The following LRP1B variants were observed in gnomAD, a reference collection of about 807,000 sequenced individuals.
LRP1B encodes LDL receptor related protein 1B, also known as low-density lipoprotein receptor-related protein 1B.
A neutral mutation model predicts 556.6 loss-of-function variants in LRP1B; 217 were observed. The ratio of observed to expected loss-of-function variants is 0.39; its 90% confidence interval spans 0.35 to 0.44. The LOEUF (loss-of-function observed/expected upper bound fraction) is 0.44, where lower values mean the gene tolerates loss of function less well. Ranked by LOEUF, LRP1B falls within the 20% of genes least tolerant of loss-of-function variation. The probability of loss-of-function intolerance (pLI) is 1.00; values close to 1 mark genes in which losing one functional copy is unlikely to be tolerated. For missense variants in LRP1B, 5,053 were observed against 5,620.8 expected, an observed-to-expected ratio of 0.90 and a Z score of 3.23; for synonymous variants, 2,047 against 1,865.8, an observed-to-expected ratio of 1.10 and a Z score of -2.50.
intron 67 of LRP1B, among the ~76,000 whole-genome samples, chr2:140,381,770 G>A (rs1683500711): frequency 6.7e-6 from 1 of 149,134 alleles, no homozygotes; most frequent in Admixed American, 6.9e-5. Flanking sequence ...GCTGAGGCAG[G>A]AGAATCACTT....
intron 1 of LRP1B, among the ~76,000 whole-genome samples, chr2:141,990,529 T>A (rs980628776): frequency 6.6e-6 from 1 of 152,140 alleles, no homozygotes; most frequent in African/African-American, 2.4e-5. Context: ...TTACAACATA[T>A]AAAGAAAGCA....
intron 37 of LRP1B, among the ~76,000 whole-genome samples, chr2:140,707,314 C>A (rs1686874641): frequency 6.6e-6 from 1 of 152,044 alleles, no homozygotes; most frequent in Admixed American, 6.6e-5. Context: ...CGGCAGTTGG[C>A]CTTGGTCAAG....
chr2:140,429,954 C>T (rs1685847104), intron 66 of LRP1B, among the ~76,000 whole-genome samples: 1 of 152,156 alleles, frequency 6.6e-6, no homozygotes, highest in African/African-American at 2.4e-5. Flanking sequence ...TGTTGAGTCT[C>T]CCACAATTAC....
intron 3 of LRP1B, among the ~76,000 whole-genome samples, chr2:141,443,441 C>A (rs138843107): frequency 0.021 from 3,182 of 152,192 alleles, 68 homozygotes; most frequent in East Asian, 0.091. Flanking sequence ...TGAATTAGAT[C>A]TGATTTGTCA....
At chr2:140,257,047 G>C (rs1681725979) in intron 86 of LRP1B, among the ~76,000 whole-genome samples, 1 of 151,882 alleles carries the variant, frequency 6.6e-6, no homozygotes, top group Non-Finnish European at 1.5e-5. Context: ...CTAATATGAT[G>C]ATAATATCAG....
At chr2:140,776,724 G>A (rs1689513808) in intron 32 of LRP1B, among the ~76,000 whole-genome samples, 1 of 151,938 alleles carries the variant, frequency 6.6e-6, no homozygotes, top group Admixed American at 6.6e-5. Context: ...TTTTGATCAT[G>A]TGTGCTCTCC....
At chr2:140,976,335 A>G (rs75400860) in intron 18 of LRP1B, among the ~76,000 whole-genome samples, 4,742 of 151,660 alleles carry the variant, frequency 0.031, 186 homozygotes, top group African/African-American at 0.093. Context: ...ATTTTGTAAG[A>G]TAACAAGATT....
intron 1 of LRP1B, among the ~76,000 whole-genome samples, chr2:142,104,747 TG>T (rs1706688269): frequency 1.3e-5 from 2 of 152,122 alleles, no homozygotes; most frequent in Admixed American, 1.3e-4. Context: ...ACATATTTTC[TG>T]AAACATTTTC....
chr2:140,687,533 T>A (rs1686091302), intron 41 of LRP1B, among the ~76,000 whole-genome samples: 1 of 151,966 alleles, frequency 6.6e-6, no homozygotes, highest in Non-Finnish European at 1.5e-5. Flanking sequence ...AAGAAAAAAA[T>A]CTGTAAATGG....
At chr2:140,523,803 T>A (rs1400433492) in intron 49 of LRP1B, among the ~76,000 whole-genome samples, 2 of 151,834 alleles carry the variant, frequency 1.3e-5, no homozygotes, top group Non-Finnish European at 2.9e-5. Flanking sequence ...CTACCTCTTA[T>A]CATATTCAAA....
chr2:141,049,052 T>C lies in LRP1B; in HGVS notation c.1723A>G (p.Thr575Ala). 1 of 1,613,598 alleles carries C rather than the reference T, an allele frequency of 6.2e-7. No homozygotes were observed. Among genetic ancestry groups the C allele is most frequent in the Non-Finnish European group, 8.5e-7 (1 of 1,179,694 alleles). ...TGCCGGCCAATTAGGAAACTGGTGG[T>C]GTCAGCAAAGTAGATGTAATTGGTT... ...AETNYIYFAD[T>A]TSFLIGRQKI... The change falls in exon 11 of 91, where the codon ACC becomes GCC. Residue 575 changes from threonine to alanine, a missense_variant. Physicochemically the swap from Thr to Ala is moderately conservative, Grantham distance 58. Around this residue, in one of 5 missense-constraint regions of LRP1B, gnomAD observed 3,619 missense variants for 3,931.9 expected, o/e 0.92. Transcript: ENST00000389484.
chr2:141,769,552 C>T (rs1022419773), intron 2 of LRP1B, among the ~76,000 whole-genome samples: 9 of 152,114 alleles, frequency 5.9e-5, no homozygotes, highest in African/African-American at 4.8e-5. Context: ...GCACATTACA[C>T]GGGACATCAG....
chr2:140,474,277 G>T (rs993725736), intron 60 of LRP1B, among the ~76,000 whole-genome samples: 6 of 151,822 alleles, frequency 4.0e-5, no homozygotes, highest in Non-Finnish European at 8.8e-5. Context: ...CACTGGCAGA[G>T]TATTACTCGA....
At chr2:141,483,036 A>T (rs1682981431) in intron 2 of LRP1B, among the ~76,000 whole-genome samples, 1 of 151,864 alleles carries the variant, frequency 6.6e-6, no homozygotes, top group African/African-American at 2.4e-5. Context: ...ATATGTATAC[A>T]TGTGTCATGT....
intron 83 of LRP1B, among the ~76,000 whole-genome samples, chr2:140,305,427 G>T (rs1306293846): frequency 6.6e-6 from 1 of 152,088 alleles, no homozygotes; most frequent in Non-Finnish European, 1.5e-5. Context: ...AATTGTGAAT[G>T]GGAGTTCACT....
chr2:141,691,769 G>T (rs760821421), intron 2 of LRP1B, among the ~76,000 whole-genome samples: 7 of 151,682 alleles, frequency 4.6e-5, no homozygotes, highest in Non-Finnish European at 5.9e-5. Context: ...CAATTCATAT[G>T]GCTTCTATTT....
At chr2:142,100,335 G>A (rs937161121) in intron 1 of LRP1B, among the ~76,000 whole-genome samples, 3 of 151,876 alleles carry the variant, frequency 2.0e-5, no homozygotes, top group South Asian at 4.1e-4. Flanking sequence ...ATCCATTAGC[G>A]TTGACACCAC....
chr2:141,864,598 T>C (rs1422028905), intron 1 of LRP1B, among the ~76,000 whole-genome samples: 1 of 149,414 alleles, frequency 6.7e-6, no homozygotes, highest in Non-Finnish European at 1.5e-5. Context: ...ACTGGAGGAA[T>C]GCGCCAGGCG....
chr2:141,100,075 C>T (rs931190350), intron 7 of LRP1B, among the ~76,000 whole-genome samples: 1 of 152,112 alleles, frequency 6.6e-6, no homozygotes, highest in African/African-American at 2.4e-5. Flanking sequence ...TTCAAGATCT[C>T]TTATCCTGGA....
Sources: gnomAD v4.1 joint callset for allele counts (sites outside exome capture counted in the v4.1 genomes callset) on GRCh38, gnomAD v4.1.1 for gene constraint, gnomAD v4.1.1 regional missense constraint, MANE v1.5 for transcripts, NCBI Gene and HGNC (gene_info 2026-07-23, HGNC 2026-07-21) for gene names.